PTPN13: variants seen among roughly 807,000 people sequenced by gnomAD.
PTPN13 encodes protein tyrosine phosphatase non-receptor type 13.
A neutral mutation model predicts 284.0 loss-of-function variants in PTPN13; 191 were observed. The ratio of observed to expected loss-of-function variants is 0.67; its 90% CI spans 0.60 to 0.76. The LOEUF is 0.76. Ranked by LOEUF, PTPN13 falls within the 30% of genes least tolerant of loss-of-function variation. The probability of loss-of-function intolerance (pLI) is 0.00; values close to 1 mark genes in which losing one functional copy is unlikely to be tolerated. For synonymous variants in PTPN13, 986 were observed against 1,022.3 expected (o/e 0.96, Z 0.68); for missense variants, 2,797 against 2,939.9 (o/e 0.95, Z 1.12).
In PTPN13 at chr4:86,722,386, G is replaced by A. The variant is rs759208586; in HGVS notation, c.1560G>A (p.Pro520=). 5.0e-5 allele frequency: 80 copies of A among 1,613,622 alleles called. No individual in the cohort carries two copies. The highest frequency in any genetic ancestry group is 6.1e-5 in the Non-Finnish European group (72 of 1,179,810). Residue 520 remains proline (P), a synonymous_variant, in exon 10 of 48, where the codon CCG becomes CCA. Transcript: ENST00000411767. ...KASMLDITRD[P]LREIALETAM... ...CCATGCTTGACATCACCAGGGATCCGTTAAGAGAAATTGCCCTAGAAACAG... is the reference window on the plus strand; with the variant it reads ...CCATGCTTGACATCACCAGGGATCCATTAAGAGAAATTGCCCTAGAAACAG...
Position 86,762,799 on chromosome 4 carries a change from G to A in PTPN13, c.3626G>A (p.Ser1209Asn). The change falls in exon 24 of 48, where the codon AGT (serine) becomes AAT (asparagine). Residue 1209 changes from serine (S) to asparagine (N), a missense_variant. Physicochemically the swap from Ser to Asn is conservative, Grantham distance 46. Transcript: ENST00000411767. Reference sequence around the variant, plus strand: ...AAGAAATCTTCCTACATGCAAGACAGTGCTATAGATTCTTCTTCCAAGGAT... The same window carrying A: ...AAGAAATCTTCCTACATGCAAGACAATGCTATAGATTCTTCTTCCAAGGAT... ...YMKKSSYMQD[S>N]AIDSSSKDHH... is the part of the protein sequence containing the mutation. 1 of 1,613,386 alleles carries A rather than the reference G, an allele frequency of 6.2e-7. No individual in the cohort carries two copies. The highest frequency in any genetic ancestry group is 1.7e-4 in the Middle Eastern group (1 of 6,054).
chr4:86,727,309 A>G lies in PTPN13; in HGVS notation c.1608+4875A>G, dbSNP rs191365883. On this transcript the variant is annotated intron_variant, in intron 10 of 47. Transcript: ENST00000411767. ...TGTGTCTCTGCCACACTTTGGTATC[A>G]GGACAATGCTGGCCTCATAAAATGA... 3.4e-4 allele frequency among the ~76,000 whole-genome samples: 51 copies of G among 149,818 alleles called. 4 individuals carry two copies. Among genetic ancestry groups the G allele is most frequent in the Non-Finnish European group, 7.3e-4 (49 of 66,684 alleles).
intron 31 of PTPN13, among the ~76,000 whole-genome samples, chr4:86,771,878 T>C (rs1740039831): frequency 6.6e-6 from 1 of 152,064 alleles, no homozygotes; most frequent in Non-Finnish European, 1.5e-5. Context: ...ACCAGAAATA[T>C]AGAGGGGAGA....
chr4:86,751,081 A>G lies in PTPN13; in HGVS notation c.3123A>G (p.Ser1041=), dbSNP rs369466410. The stretch of plus-strand genomic sequence containing the variant: ...GTCCTGAAAGGAGGAAACATGAATC[A>G]GACTCCTCATCCATTGAAGACCCTG... ...NRSPERRKHE[S]DSSSIEDPGQ... is the part of the protein sequence containing the mutation. Residue 1041 remains serine (S), a synonymous_variant, in exon 19 of 48, where the codon TCA becomes TCG. Coordinates refer to ENST00000411767, the MANE Select transcript of PTPN13 (RefSeq NM_080683.3). 102 of 1,609,952 alleles carry G rather than the reference A, an allele frequency of 6.3e-5. 1 individual carries two copies. In the African/African-American group the frequency reaches 1.2e-3, roughly 19 times the overall value.
chr4:86,802,146 AGTGT>A (rs55759778), intron 42 of PTPN13, among the ~76,000 whole-genome samples: 3,108 of 135,162 alleles, frequency 0.023, 86 homozygotes, highest in African/African-American at 0.066. Context: ...TCAAGATTTT[AGTGT>A]GTGTGTGTGT....
At chr4:86,790,251 C>T (rs1347750124) in intron 40 of PTPN13, among the ~76,000 whole-genome samples, 2 of 152,120 alleles carry the variant, frequency 1.3e-5, no homozygotes, top group African/African-American at 2.4e-5. Context: ...TTTACATCAA[C>T]TAAATTGAAA....
intron 9 of PTPN13, among the ~76,000 whole-genome samples, chr4:86,721,485 T>C (rs1210283146): frequency 6.6e-6 from 1 of 152,104 alleles, no homozygotes; most frequent in Non-Finnish European, 1.5e-5. Flanking sequence ...ATAATGATGG[T>C]GCCTTGAAGA....
intron 2 of PTPN13, among the ~76,000 whole-genome samples, chr4:86,657,591 T>G (rs945668563): frequency 2.7e-5 from 4 of 148,880 alleles, no homozygotes; most frequent in African/African-American, 1.0e-4. Context: ...ACCTGAAGGC[T>G]TGCAGACCAG....
chr4:86,683,081 A>G (rs568782240), intron 3 of PTPN13, among the ~76,000 whole-genome samples: 17 of 152,274 alleles, frequency 1.1e-4, no homozygotes, highest in African/African-American at 3.8e-4. Flanking sequence ...TTATTTCTCT[A>G]TAGAGATATT....
chr4:86,774,550 A>G lies in PTPN13; in HGVS notation c.5508+19A>G. 6.3e-7 allele frequency: 1 copy of G among 1,576,440 alleles called. No homozygotes were observed. Among genetic ancestry groups the G allele is most frequent in the Non-Finnish European group, 8.6e-7 (1 of 1,160,844 alleles). ...CATAAAGGTGAGACATTTAAGAGGA[A>G]TGGATTATTTGTGTAAATGTAGACA... On this transcript the variant is annotated intron_variant, in intron 33 of 47. Coordinates refer to ENST00000411767, the MANE Select transcript of PTPN13 (RefSeq NM_080683.3).
chr4:86,809,937 C>T lies in PTPN13; in HGVS notation c.7252C>T (p.Leu2418=), dbSNP rs199616481. The change falls in exon 46 of 48, where the codon CTG becomes TTG. Residue 2418 remains leucine, a synonymous_variant. Transcript: ENST00000411767. Reference sequence around the variant, plus strand: ...TGCTGGCATTGGACGTTCAGGGACCCTGATTTGCATAGATGTGGTTCTGGG... The same window carrying T: ...TGCTGGCATTGGACGTTCAGGGACCTTGATTTGCATAGATGTGGTTCTGGG... ...CSAGIGRSGT[L]ICIDVVLGLI... is the part of the protein sequence containing the mutation. 3.3e-5 allele frequency: 53 copies of T among 1,613,850 alleles called. No homozygotes were observed. The highest frequency in any genetic ancestry group is 4.3e-5 in the Non-Finnish European group (51 of 1,179,890).
chr4:86,641,370 T>A (rs959944878), intron 2 of PTPN13, among the ~76,000 whole-genome samples: 1 of 152,156 alleles, frequency 6.6e-6, no homozygotes, highest in African/African-American at 2.4e-5. Flanking sequence ...GTTGTTCCTG[T>A]TTCTTTTTCA....
intron 24 of PTPN13, among the ~76,000 whole-genome samples, chr4:86,763,687 T>C (rs1322021884): frequency 6.6e-6 from 1 of 152,124 alleles, no homozygotes; most frequent in Non-Finnish European, 1.5e-5. Flanking sequence ...GTGGGAGGAT[T>C]GCTTGAGGCC....
At chr4:86,599,133 C>A (rs1764079646) in intron 1 of PTPN13, among the ~76,000 whole-genome samples, 1 of 152,088 alleles carries the variant, frequency 6.6e-6, no homozygotes, top group Non-Finnish European at 1.5e-5. Context: ...GTGGATGAGA[C>A]CCTGGCATCT....
At chr4:86,662,435 G>C (rs918904124) in intron 2 of PTPN13, among the ~76,000 whole-genome samples, 1 of 152,078 alleles carries the variant, frequency 6.6e-6, no homozygotes, top group South Asian at 2.1e-4. Context: ...AAGTTCAAGT[G>C]ATTCTCCTGC....
At chr4:86,765,829 T>C (rs1684711021) in intron 26 of PTPN13, among the ~76,000 whole-genome samples, 1 of 151,826 alleles carries the variant, frequency 6.6e-6, no homozygotes, top group Admixed American at 6.6e-5. Context: ...TTTTTTTTGT[T>C]GTTGTTTTTT....
chr4:86,750,435 T>C, intron 17 of PTPN13, 35 bp from the exon 18 acceptor site: 1 of 1,549,504 alleles, frequency 6.5e-7, no homozygotes, highest in Non-Finnish European at 8.8e-7. Context: ...TACTGTGGCG[T>C]TACCATCATG....
At chr4:86,795,198 A>T (rs1315321779) in intron 40 of PTPN13, among the ~76,000 whole-genome samples, 2 of 152,238 alleles carry the variant, frequency 1.3e-5, no homozygotes, top group Non-Finnish European at 2.9e-5. Context: ...ATTTACAAGA[A>T]AAAAGCAATT....
intron 2 of PTPN13, among the ~76,000 whole-genome samples, chr4:86,636,484 C>A (rs144780003): frequency 1.3e-4 from 20 of 152,210 alleles, no homozygotes; most frequent in African/African-American, 4.1e-4. Context: ...GATTTGAATG[C>A]ATACATCAGA....
Sources: allele counts gnomAD v4.1 joint callset (sites outside exome capture counted in the v4.1 genomes callset), GRCh38; gene constraint gnomAD v4.1.1; transcripts MANE v1.5; gene names NCBI Gene and HGNC (gene_info 2026-07-23, HGNC 2026-07-21).